The following ENPEP variants were observed in gnomAD, a reference collection of about 807,000 sequenced individuals.
ENPEP encodes the protein glutamyl aminopeptidase.
Under a neutral mutation model 114.5 loss-of-function variants are expected in ENPEP, and 103 were observed. The observed-to-expected ratio is 0.90, with a 90% CI of 0.77 to 1.06. ENPEP has a LOEUF of 1.06. ENPEP is among the 50% of genes least tolerant of loss of function. The probability of loss-of-function intolerance (pLI) is 0.00; values close to 1 mark genes in which losing one functional copy is unlikely to be tolerated. For synonymous variants in ENPEP, 420 were observed against 422.0 expected, an observed-to-expected ratio of 1.00 and a Z score of 0.06; for missense variants, 1,196 against 1,161.3, an observed-to-expected ratio of 1.03 and a Z score of -0.43.
chr4:110,540,786 A>C (rs1259171694), intron 11 of ENPEP, among the ~76,000 whole-genome samples: 1 of 152,168 alleles, frequency 6.6e-6, no homozygotes, highest in Non-Finnish European at 1.5e-5. Flanking sequence ...TATAATGGGG[A>C]TAGCTACCAT....
chr4:110,517,820 G>C (rs540918923), intron 8 of ENPEP, among the ~76,000 whole-genome samples: 60 of 152,120 alleles, frequency 3.9e-4, no homozygotes, highest in Non-Finnish European at 7.6e-4. Context: ...TCAAACACTA[G>C]CTAATATCTG....
intron 3 of ENPEP, among the ~76,000 whole-genome samples, chr4:110,504,686 A>G (rs535717878): frequency 1.3e-5 from 2 of 152,358 alleles, no homozygotes; most frequent in Admixed American, 6.5e-5. Context: ...TTGAATTTAC[A>G]TTAACATCAA....
chr4:110,510,147 A>G (rs1367210237), intron 5 of ENPEP, 98 bp from the exon 6 acceptor site: 7 of 969,962 alleles, frequency 7.2e-6, no homozygotes, highest in African/African-American at 1.6e-5. Context: ...TGTCACAGTG[A>G]CAACATTGGC....
At chr4:110,503,947 C>T (rs1274347132) in intron 3 of ENPEP, among the ~76,000 whole-genome samples, 2 of 152,170 alleles carry the variant, frequency 1.3e-5, no homozygotes, top group Admixed American at 6.5e-5. Flanking sequence ...TCTGTGTTTC[C>T]TCCTAATTGC....
chr4:110,544,721 G>C (rs995252935), intron 13 of ENPEP, among the ~76,000 whole-genome samples: 1 of 152,030 alleles, frequency 6.6e-6, no homozygotes, highest in Non-Finnish European at 1.5e-5. Context: ...AGTTTAATTT[G>C]CACCACAATG....
intron 1 of ENPEP, 99 bp downstream of exon 1, chr4:110,477,157 G>T (rs1200642788): frequency 7.0e-7 from 1 of 1,436,178 alleles, no homozygotes; most frequent in African/African-American, 1.4e-5. Context: ...TATTTTGTTG[G>T]TCTGATATTG....
chr4:110,497,040 A>G (rs929343225), intron 3 of ENPEP, among the ~76,000 whole-genome samples: 2 of 152,228 alleles, frequency 1.3e-5, no homozygotes, highest in Non-Finnish European at 2.9e-5. Context: ...TATGACCACC[A>G]CAGTGATTAA....
chr4:110,520,648 G>C (rs1471043448), intron 10 of ENPEP, among the ~76,000 whole-genome samples: 1 of 152,116 alleles, frequency 6.6e-6, no homozygotes, highest in Non-Finnish European at 1.5e-5. Context: ...TAAAGGGAGG[G>C]GCTGTAAGTG....
intron 1 of ENPEP, among the ~76,000 whole-genome samples, chr4:110,483,659 A>G (rs564366782): frequency 6.6e-6 from 1 of 152,296 alleles, no homozygotes; most frequent in African/African-American, 2.4e-5. Context: ...GTGACTTATT[A>G]ATGTGGCATA....
chr4:110,482,866 G>A (rs1160230733), intron 1 of ENPEP, among the ~76,000 whole-genome samples: 3 of 152,022 alleles, frequency 2.0e-5, no homozygotes, highest in African/African-American at 4.8e-5. Flanking sequence ...AAAATTAGCC[G>A]GGGGTAGTGG....
chr4:110,498,716 G>C (rs1335398643), intron 3 of ENPEP, among the ~76,000 whole-genome samples: 1 of 152,158 alleles, frequency 6.6e-6, no homozygotes. Flanking sequence ...CGGTGGCAGT[G>C]GTAACGGGCA....
chr4:110,491,661 A>G (rs1724726417), intron 3 of ENPEP, among the ~76,000 whole-genome samples: 1 of 152,090 alleles, frequency 6.6e-6, no homozygotes, highest in Non-Finnish European at 1.5e-5. Flanking sequence ...ATGATAAAAT[A>G]TAAATAAGCT....
intron 1 of ENPEP, among the ~76,000 whole-genome samples, chr4:110,483,389 A>G (rs1260989267): frequency 6.6e-6 from 1 of 152,140 alleles, no homozygotes. Flanking sequence ...CAACTTATAA[A>G]ATTGCTCAGC....
chr4:110,512,148 A>G (rs948505458), intron 6 of ENPEP, among the ~76,000 whole-genome samples: 4 of 152,186 alleles, frequency 2.6e-5, no homozygotes, highest in African/African-American at 7.2e-5. Flanking sequence ...AGGAGTTCTC[A>G]ATTTAAGGTC....
At chr4:110,510,681 CCCT>C (rs1725543084) in intron 6 of ENPEP, among the ~76,000 whole-genome samples, 1 of 151,468 alleles carries the variant, frequency 6.6e-6, no homozygotes. Context: ...ATAGCACTAA[CCCT>C]TTGAAAAAAT....
At chr4:110,518,892 T>C (rs1200697677) in intron 8 of ENPEP, 1 of 307,406 alleles carries the variant, frequency 3.3e-6, no homozygotes, top group Non-Finnish European at 6.5e-6. Flanking sequence ...ATAGAAATTG[T>C]CATCAAAACA....
chr4:110,548,732 G>A (rs189139814), intron 14 of ENPEP, among the ~76,000 whole-genome samples: 2 of 151,966 alleles, frequency 1.3e-5, no homozygotes, highest in East Asian at 3.9e-4. Flanking sequence ...TCCACATTGA[G>A]ATTTTATCAT....
intron 3 of ENPEP, among the ~76,000 whole-genome samples, chr4:110,494,817 G>C (rs1036198125): frequency 6.6e-6 from 1 of 152,166 alleles, no homozygotes; most frequent in Non-Finnish European, 1.5e-5. Context: ...ACTTAGAATA[G>C]TTTAGCAACA....
At chr4:110,533,176 T>G in intron 11 of ENPEP, 1 of 380,880 alleles carries the variant, frequency 2.6e-6, no homozygotes, top group Non-Finnish European at 5.4e-6. Context: ...CCTAGTACAA[T>G]TCACCCAGCA....
Sources: allele counts gnomAD v4.1 joint callset (sites outside exome capture counted in the v4.1 genomes callset), GRCh38; gene constraint gnomAD v4.1.1; transcripts MANE v1.5; gene names NCBI Gene and HGNC (gene_info 2026-07-23, HGNC 2026-07-21).